Variants in GRIA1 observed in about 807,000 individuals in gnomAD.
GRIA1 encodes glutamate ionotropic receptor AMPA type subunit 1, also known as glutamate receptor 1.
A neutral mutation model predicts 99.2 loss-of-function variants in GRIA1; 31 were observed. The ratio of observed to expected loss-of-function variants is 0.31; its 90% CI spans 0.23 to 0.42. The LOEUF (loss-of-function observed/expected upper bound fraction) is 0.42, where lower values mean the gene tolerates loss of function less well. GRIA1 is among the 10% of genes least tolerant of loss of function. GRIA1 has a pLI of 1.00. For synonymous variants in GRIA1, 438 were observed against 432.4 expected (o/e 1.01, Z -0.16); for missense variants, 782 against 1,157.5 (o/e 0.68, Z 4.71).
chr5:153,543,103 A>G (rs17589588), intron 2 of GRIA1, among the ~76,000 whole-genome samples: 70,699 of 152,088 alleles, frequency 0.46, 18,160 homozygotes, highest in Non-Finnish European at 0.59. Flanking sequence ...ACAGTGGCTA[A>G]CGCAATACCT....
At chr5:153,549,619 A>G (rs1759944679) in intron 2 of GRIA1, among the ~76,000 whole-genome samples, 1 of 152,194 alleles carries the variant, frequency 6.6e-6, no homozygotes, top group Admixed American at 6.5e-5. Flanking sequence ...AAAAATGGCC[A>G]AAGAATGGAC....
chr5:153,652,082 A>G lies in GRIA1; in HGVS notation c.645+1568A>G, dbSNP rs867211738. On this transcript the variant is annotated intron_variant, in intron 4 of 15. Coordinates refer to ENST00000285900, the MANE Select transcript of GRIA1 (RefSeq NM_000827.4). ...CTTAGAACAGAGTCTGCCCCACAGTAAGTGGTACAAGCAAGCATTTGCCTA... is the reference window on the plus strand; with the variant it reads ...CTTAGAACAGAGTCTGCCCCACAGTGAGTGGTACAAGCAAGCATTTGCCTA... 3.9e-5 allele frequency among the ~76,000 whole-genome samples: 6 copies of G among 152,312 alleles called. No individual in the cohort carries two copies. In the South Asian group the frequency reaches 1.2e-3, roughly 32 times the overall value.
At chr5:153,535,174 G>A (rs1271551999) in intron 2 of GRIA1, among the ~76,000 whole-genome samples, 5 of 152,134 alleles carry the variant, frequency 3.3e-5, no homozygotes, top group South Asian at 4.1e-4. Context: ...TGCCCGTCTC[G>A]GCCTCCCAAA....
rs141845894 is a variant in GRIA1 at position 153,530,026 on chromosome 5, A to C, written c.220+35961A>C. Among the ~76,000 whole-genome samples, 630 of 152,282 alleles carry C rather than the reference A, an allele frequency of 4.1e-3. 5 individuals carry two copies. The highest frequency in any genetic ancestry group is 0.015 in the African/African-American group (609 of 41,542). The stretch of plus-strand genomic sequence containing the variant: ...AGCTCAAGTGCTGCTGCTGCTAATA[A>C]TAATAATACCAATTACTATAGCAAC... On this transcript the variant is annotated intron_variant, in intron 2 of 15. Coordinates refer to ENST00000285900, the MANE Select transcript of GRIA1 (RefSeq NM_000827.4).
rs567552750 is a variant in GRIA1 at position 153,782,209 on chromosome 5, A to G, written c.2270+11794A>G. Among the ~76,000 whole-genome samples, 236 of 152,256 alleles carry G rather than the reference A, an allele frequency of 1.6e-3. 1 individual carries two copies. The highest frequency in any genetic ancestry group is 2.8e-3 in the Non-Finnish European group (193 of 68,050). ...TATTAATAATCTCATTTTACAGATAATGAATCAGTGGCACAGAGAGACTAA... is the reference window on the plus strand; with the variant it reads ...TATTAATAATCTCATTTTACAGATAGTGAATCAGTGGCACAGAGAGACTAA... On this transcript the variant is annotated intron_variant, in intron 13 of 15. Transcript: ENST00000285900.
At chr5:153,804,715 TAA>T (rs1491326298) in intron 15 of GRIA1, among the ~76,000 whole-genome samples, 12,639 of 139,948 alleles carry the variant, frequency 0.09, 748 homozygotes, top group Non-Finnish European at 0.13. Context: ...TGATCCTTAT[TAA>T]TTAATTAATT....
intron 2 of GRIA1, among the ~76,000 whole-genome samples, chr5:153,617,233 TATC>T (rs1318167038): frequency 3.9e-5 from 6 of 152,330 alleles, no homozygotes; most frequent in African/African-American, 1.2e-4. Context: ...GAGTTCGTGA[TATC>T]ATGCTACGCT....
At chr5:153,642,298 G>A (rs1316789997) in intron 2 of GRIA1, among the ~76,000 whole-genome samples, 3 of 152,188 alleles carry the variant, frequency 2.0e-5, no homozygotes, top group Non-Finnish European at 4.4e-5. Flanking sequence ...CTTGCCTTGT[G>A]CTGTTTCTAG....
chr5:153,691,756 G>A (rs1351508647), intron 8 of GRIA1, among the ~76,000 whole-genome samples: 1 of 152,174 alleles, frequency 6.6e-6, no homozygotes, highest in East Asian at 1.9e-4. Context: ...TTCTACTGCT[G>A]AGCCCAGAGC....
At chr5:153,529,117 A>G (rs1174312166) in intron 2 of GRIA1, among the ~76,000 whole-genome samples, 1 of 152,190 alleles carries the variant, frequency 6.6e-6, no homozygotes, top group Non-Finnish European at 1.5e-5. Flanking sequence ...GAGCTGTTGT[A>G]TTGACTTAGC....
intron 2 of GRIA1, among the ~76,000 whole-genome samples, chr5:153,563,200 CT>C (rs1367985885): frequency 6.6e-6 from 1 of 150,992 alleles, no homozygotes; most frequent in Admixed American, 6.6e-5. Flanking sequence ...AACCTTCTTG[CT>C]TTTGTTGCTG....
In GRIA1 at chr5:153,811,258, C is replaced by T. The variant is rs760268718; in HGVS notation, c.*33C>T. ...AGATGGAGACCCCTTGGGGAGCAGG[C>T]TCGGGCTCCCCAGCCCCATCCCAAA... On this transcript the variant is annotated 3_prime_UTR_variant, in exon 16 of 16. Coordinates refer to ENST00000285900, the MANE Select transcript of GRIA1 (RefSeq NM_000827.4). 3.9e-6 allele frequency: 6 copies of T among 1,532,594 alleles called. No homozygotes were observed. Among genetic ancestry groups the T allele is most frequent in the Non-Finnish European group, 5.4e-6 (6 of 1,106,574 alleles). 94.9% of individuals were successfully genotyped at this position (1,532,594 alleles called of 1,614,324 possible).
intron 2 of GRIA1, among the ~76,000 whole-genome samples, chr5:153,541,974 T>C (rs1350930809): frequency 2.0e-5 from 3 of 147,868 alleles, no homozygotes; most frequent in African/African-American, 7.4e-5. Flanking sequence ...TTGCCAGGTA[T>C]GGGGCACATA....
intron 13 of GRIA1, among the ~76,000 whole-genome samples, chr5:153,777,076 T>C (rs1211548693): frequency 6.6e-6 from 1 of 152,176 alleles, no homozygotes; most frequent in Non-Finnish European, 1.5e-5. Flanking sequence ...TCGGTGTGTA[T>C]CAAAATTACC....
chr5:153,646,608 C>A (rs1754168915), intron 2 of GRIA1, among the ~76,000 whole-genome samples: 1 of 152,132 alleles, frequency 6.6e-6, no homozygotes. Flanking sequence ...ATATACATGG[C>A]TACTGTAATT....
chr5:153,670,426 C>T (rs34181741), intron 5 of GRIA1, among the ~76,000 whole-genome samples: 9,495 of 144,630 alleles, frequency 0.066, 308 homozygotes, highest in Middle Eastern at 0.13. Context: ...AAAACAAGTA[C>T]TCTGTAGATT....
At chr5:153,540,506 C>G (rs1425582105) in intron 2 of GRIA1, among the ~76,000 whole-genome samples, 2 of 152,198 alleles carry the variant, frequency 1.3e-5, no homozygotes, top group Non-Finnish European at 2.9e-5. Flanking sequence ...AGCCTGTCCT[C>G]TCTGCCTCAA....
At chr5:153,724,339 C>A (rs529938373) in intron 11 of GRIA1, among the ~76,000 whole-genome samples, 2 of 152,116 alleles carry the variant, frequency 1.3e-5, no homozygotes, top group African/African-American at 4.8e-5. Context: ...AAGCAGAGCA[C>A]CTCTCCTCCT....
intron 13 of GRIA1, among the ~76,000 whole-genome samples, chr5:153,773,483 A>T (rs1429621346): frequency 6.6e-6 from 1 of 152,234 alleles, no homozygotes; most frequent in Non-Finnish European, 1.5e-5. Flanking sequence ...CTCTGAAGGC[A>T]AAAGGTGATA....
Sources: gnomAD v4.1 joint callset for allele counts (sites outside exome capture counted in the v4.1 genomes callset) on GRCh38, gnomAD v4.1.1 for gene constraint, MANE v1.5 for transcripts, NCBI Gene and HGNC (gene_info 2026-07-23, HGNC 2026-07-21) for gene names.